CEP83: variants seen among roughly 807,000 people sequenced by gnomAD.
The protein encoded by CEP83 is centrosomal protein of 83 kDa.
CEP83 carries 70 observed loss-of-function variants against 101.9 expected under a neutral mutation model. That is an observed-to-expected ratio of 0.69 (90% CI 0.57 to 0.84). The LOEUF is 0.84. Among genes scored for constraint, CEP83 ranks in the 40% least tolerant of loss-of-function variants. CEP83 has a pLI of 0.00. For synonymous variants in CEP83, 264 were observed against 267.9 expected (o/e 0.99, Z 0.14); for missense variants, 715 against 787.2 (o/e 0.91, Z 1.10).
At chr12:94,444,987 C>T (rs1173744849) in intron 1 of CEP83, among the ~76,000 whole-genome samples, 1 of 151,538 alleles carries the variant, frequency 6.6e-6, no homozygotes, top group African/African-American at 2.4e-5. Flanking sequence ...CAAGCTGATT[C>T]TAAAATTCAT....
In CEP83 at chr12:94,341,975, C is replaced by T. The variant is rs78100584; in HGVS notation, c.1344-6311G>A. ...GTAGGATGCCTGGGGAGGGTCTACC[C>T]CTACTTTCTGGAGACTGTCAAAGAG... On this transcript the variant is annotated intron_variant, in intron 11 of 16. Coordinates refer to ENST00000397809, the MANE Select transcript of CEP83 (RefSeq NM_016122.3). Among the ~76,000 whole-genome samples the T allele has an allele frequency of 4.1e-3, 621 of 152,170 alleles. 13 individuals are homozygous for T. The East Asian group carries it at 0.049, about 12-fold the overall frequency.
the CEP83 span, chr12:94,298,843 A>ATATT: frequency 6.5e-7 from 1 of 1,527,070 alleles, no homozygotes; most frequent in South Asian, 1.2e-5. Flanking sequence ...CTGGGACAGA[A>ATATT]TATTAACTAA....
intron 11 of CEP83, among the ~76,000 whole-genome samples, chr12:94,354,317 G>A (rs1050782808): frequency 2.6e-5 from 4 of 151,938 alleles, no homozygotes; most frequent in Non-Finnish European, 5.9e-5. Context: ...GAGTAGCGGG[G>A]ATTACTGTCA....
intron 6 of CEP83, among the ~76,000 whole-genome samples, chr12:94,391,154 C>T (rs965681541): frequency 2.6e-5 from 4 of 152,138 alleles, no homozygotes; most frequent in African/African-American, 9.7e-5. Flanking sequence ...TCGAGAAGAG[C>T]AACTCCAAGA....
chr12:94,423,848 G>A (rs1413986549), intron 2 of CEP83: 7 of 1,612,920 alleles, frequency 4.3e-6, no homozygotes, highest in Non-Finnish European at 5.9e-6. Context: ...CTGGAAGGAA[G>A]GCACAGGGGT....
chr12:94,282,875 T>C, the CEP83 span: 2 of 156,136 alleles, frequency 1.3e-5, no homozygotes, highest in Admixed American at 6.2e-5. Flanking sequence ...TGAGCGATAC[T>C]TCCTTTGGCC....
chr12:94,449,022 C>CT (rs2067018196), intron 1 of CEP83, among the ~76,000 whole-genome samples: 1 of 66,736 alleles, frequency 1.5e-5, no homozygotes, highest in African/African-American at 6.3e-5. Context: ...TCAACAAAAT[C>CT]GAAAAAAAAA....
At chr12:94,432,046 G>A (rs1015867060) in intron 2 of CEP83, among the ~76,000 whole-genome samples, 1 of 151,662 alleles carries the variant, frequency 6.6e-6, no homozygotes, top group African/African-American at 2.4e-5. Flanking sequence ...TCCATTAATG[G>A]ATTAACTTTT....
At chr12:94,294,731 C>CT in the CEP83 span, among the ~76,000 whole-genome samples, 6 of 152,216 alleles carry the variant, frequency 3.9e-5, no homozygotes, top group Non-Finnish European at 8.8e-5. Flanking sequence ...GGAAAGGAAA[C>CT]TATAGATGGT....
At chr12:94,440,956 G>T (rs983122498) in intron 1 of CEP83, among the ~76,000 whole-genome samples, 2 of 152,160 alleles carry the variant, frequency 1.3e-5, no homozygotes, top group Non-Finnish European at 2.9e-5. Context: ...AACAAATGGT[G>T]CTGGGACAAT....
intron 1 of CEP83, among the ~76,000 whole-genome samples, chr12:94,440,834 C>T (rs1398895455): frequency 2.0e-5 from 3 of 152,094 alleles, no homozygotes; most frequent in African/African-American, 4.8e-5. Flanking sequence ...AAAACAGGCA[C>T]ATAGATCAAT....
At chr12:94,413,786 G>A (rs1414580983) in intron 2 of CEP83, among the ~76,000 whole-genome samples, 1 of 138,036 alleles carries the variant, frequency 7.2e-6, no homozygotes, top group African/African-American at 2.6e-5. Flanking sequence ...AATTAAAATA[G>A]TTGTCTCCTT....
At chr12:94,333,288 A>G (rs2136511495) in intron 13 of CEP83, among the ~76,000 whole-genome samples, 194 bp downstream of exon 13, 1 of 152,220 alleles carries the variant, frequency 6.6e-6, no homozygotes, top group Non-Finnish European at 1.5e-5. Flanking sequence ...TTTTTTAAAA[A>G]CAATTCAAGA....
intron 1 of CEP83, among the ~76,000 whole-genome samples, chr12:94,444,399 C>CGAAAA (rs1387634215): frequency 2.6e-5 from 4 of 151,726 alleles, no homozygotes; most frequent in South Asian, 2.1e-4. Context: ...ACTCCAACTC[C>CGAAAA]GAAAAGAAAA....
chr12:94,304,006 G>T, downstream of CEP83: 1 of 1,593,578 alleles, frequency 6.3e-7, no homozygotes. Context: ...ATGAAGAAGT[G>T]GCCTTGACAG....
chr12:94,291,166 G>C, the CEP83 span, among the ~76,000 whole-genome samples: 1 of 152,204 alleles, frequency 6.6e-6, no homozygotes, highest in Non-Finnish European at 1.5e-5. Flanking sequence ...CTCCAAAAGA[G>C]GCAATATATA....
At chr12:94,395,457 T>C (rs2062828619) in intron 6 of CEP83, among the ~76,000 whole-genome samples, 1 of 152,208 alleles carries the variant, frequency 6.6e-6, no homozygotes, top group Admixed American at 6.5e-5. Flanking sequence ...AATGATGGCA[T>C]GTTTTATACA....
At chr12:94,414,992 GAA>G (rs1009280351) in intron 2 of CEP83, among the ~76,000 whole-genome samples, 10 of 151,896 alleles carry the variant, frequency 6.6e-5, no homozygotes, top group African/African-American at 2.4e-4. Context: ...AAGGGTACAA[GAA>G]AAAAACAAAA....
chr12:94,418,120 G>A (rs1197844296), intron 2 of CEP83, among the ~76,000 whole-genome samples: 1 of 152,082 alleles, frequency 6.6e-6, no homozygotes, highest in African/African-American at 2.4e-5. Flanking sequence ...CTAGCACTTT[G>A]GGAGGCTGAG....
Sources: gnomAD v4.1 joint callset for allele counts (sites outside exome capture counted in the v4.1 genomes callset) on GRCh38, gnomAD v4.1.1 for gene constraint, MANE v1.5 for transcripts, NCBI Gene and HGNC (gene_info 2026-07-23, HGNC 2026-07-21) for gene names.